CROT: variants seen among roughly 807,000 people sequenced by gnomAD.
CROT encodes carnitine O-octanoyltransferase.
A neutral mutation model predicts 89.2 loss-of-function variants in CROT; 84 were observed. The observed-to-expected ratio is 0.94, with a 90% CI of 0.79 to 1.13. The LOEUF is 1.13. CROT is among the 50% of genes most tolerant of loss of function. The pLI is 0.00. For missense variants in CROT, 711 were observed against 727.8 expected (o/e 0.98, Z 0.27); for synonymous variants, 212 against 239.5 (o/e 0.89, Z 1.06).
intron 10 of CROT, among the ~76,000 whole-genome samples, chr7:87,379,070 T>G (rs1360128507): frequency 6.6e-6 from 1 of 152,184 alleles, no homozygotes; most frequent in Admixed American, 6.5e-5. Context: ...TCCTTGACCT[T>G]CCTCAGTCTG....
chr7:87,372,007 C>CAAAAAAAAAAAAAAAAAAAA (rs61300907), intron 7 of CROT, among the ~76,000 whole-genome samples: 3 of 124,002 alleles, frequency 2.4e-5, no homozygotes, highest in Non-Finnish European at 3.3e-5. Context: ...AAAAAAAAAA[C>CAAAAAAAAAAAAAAAAAAAA]AAAAAAAAAA....
intron 10 of CROT, among the ~76,000 whole-genome samples, 166 bp downstream of exon 10, chr7:87,377,616 GT>G (rs1562935053): frequency 6.6e-6 from 1 of 152,134 alleles, no homozygotes; most frequent in Non-Finnish European, 1.5e-5. Context: ...TATAGGACAA[GT>G]TATTTTCTTC....
In CROT at chr7:87,351,327, A is replaced by G. The variant is rs1040919444; in HGVS notation, c.115+2144A>G. Among the ~76,000 whole-genome samples, 20 of 151,670 alleles carry G rather than the reference A, an allele frequency of 1.3e-4. No homozygotes were observed. In the East Asian group the frequency reaches 2.3e-3, roughly 18 times the overall value. On this transcript the variant is annotated intron_variant, in intron 3 of 17. Transcript: ENST00000331536. ...CCATCTCAAAAAAAAAAAAAAAAAAAAAAAAGAAAAGGAAAGGAAAGCATT... is the reference window on the plus strand; with the variant it reads ...CCATCTCAAAAAAAAAAAAAAAAAAGAAAAAGAAAAGGAAAGGAAAGCATT...
At position 87,350,636 on chromosome 7, in the gene CROT, A is replaced by G. The variant is rs980243044; in HGVS notation, c.115+1453A>G. Among the ~76,000 whole-genome samples, 6 of 152,312 alleles carry G rather than the reference A, an allele frequency of 3.9e-5. No homozygotes were observed. The East Asian group carries it at 7.7e-4, about 20-fold the overall frequency. Reference sequence around the variant, plus strand: ...TGTCCAGTCCAGTTGTAAGGTAGGTATAGCCAATTGTGAGACCCATGTGCC... The same window carrying G: ...TGTCCAGTCCAGTTGTAAGGTAGGTGTAGCCAATTGTGAGACCCATGTGCC... On this transcript the variant is annotated intron_variant, in intron 3 of 17. Coordinates refer to ENST00000331536, the MANE Select transcript of CROT (RefSeq NM_021151.4).
At chr7:87,366,520 G>A (rs967269997) in intron 6 of CROT, among the ~76,000 whole-genome samples, 8 of 152,030 alleles carry the variant, frequency 5.3e-5, no homozygotes, top group Admixed American at 3.9e-4. Context: ...AATTGTAGAC[G>A]ATCCATAGGC....
At chr7:87,382,923 T>C (rs564613511) in intron 13 of CROT, among the ~76,000 whole-genome samples, 56 of 152,364 alleles carry the variant, frequency 3.7e-4, no homozygotes, top group African/African-American at 1.3e-3. Flanking sequence ...ACATTAATTT[T>C]GTGACTTAAT....
At chr7:87,377,583 T>C in intron 10 of CROT, 133 bp downstream of exon 10, 1 of 582,610 alleles carries the variant, frequency 1.7e-6, no homozygotes. Context: ...GTGAAAAGTT[T>C]AGTTATGAAT....
At chr7:87,381,286 G>A (rs1806993410) in intron 10 of CROT, among the ~76,000 whole-genome samples, 2 of 152,148 alleles carry the variant, frequency 1.3e-5, no homozygotes, top group Admixed American at 1.3e-4. Context: ...CTTCAAAATA[G>A]ATGATGGGAA....
Position 87,392,830 on chromosome 7 carries a change from T to C in CROT, c.1598+7T>C, listed in dbSNP as rs1184579317. ...ACCCACTTTTTTCCAAAAGGTAATA[T>C]AGTGTAGTGTTTTACAGCTTCATCA... is the stretch of plus-strand genomic sequence containing the variant. On this transcript the variant is annotated splice_region_variant and intron_variant, in intron 16 of 17. Coordinates refer to ENST00000331536, the MANE Select transcript of CROT (RefSeq NM_021151.4). 1.9e-6 allele frequency: 3 copies of C among 1,611,196 alleles called. No homozygotes were observed. Among genetic ancestry groups the C allele is most frequent in the Non-Finnish European group, 2.5e-6 (3 of 1,178,386 alleles).
At chr7:87,367,632 TCTGACTC>T (rs746776369) in intron 6 of CROT, among the ~76,000 whole-genome samples, 1 of 152,238 alleles carries the variant, frequency 6.6e-6, no homozygotes, top group Non-Finnish European at 1.5e-5. Flanking sequence ...GATGAACTCC[TCTGACTC>T]CTAAGGACAA....
chr7:87,349,125 T>G lies in CROT; in HGVS notation c.57T>G (p.Ser19=). The G allele has an allele frequency of 6.2e-7, 1 of 1,608,826 alleles. No individual in the cohort carries two copies. The highest frequency in any genetic ancestry group is 8.5e-7 in the Non-Finnish European group (1 of 1,176,862). ...AACGAACATTTCAGTACCAGGATTC[T>G]CTTCCATCACTGCCTGTTCCTTCAC... ...TEERTFQYQD[S]LPSLPVPSLE... Residue 19 remains serine, a synonymous_variant, in exon 3 of 18, where the codon TCT becomes TCG. Transcript: ENST00000331536.
Position 87,377,374 on chromosome 7 carries a change from A to T in CROT, c.902A>T (p.Asp301Val). Residue 301 changes from aspartate to valine, a missense_variant, in exon 10 of 18, where the codon GAT (aspartate) becomes GTT (valine). By Grantham distance (152) the Asp-to-Val change is radical. Coordinates refer to ENST00000331536, the MANE Select transcript of CROT (RefSeq NM_021151.4). ...ATTATTGCAGCCATCCTTATTGGAGATCCAACAGTACGCTGGGGTGACAAA... is the reference window on the plus strand; with the variant it reads ...ATTATTGCAGCCATCCTTATTGGAGTTCCAACAGTACGCTGGGGTGACAAA... ...SEIIAAILIGDPTVRWGDKSY... is the reference protein window; with the variant it reads ...SEIIAAILIGVPTVRWGDKSY... 1 of 1,609,230 alleles carries T rather than the reference A, an allele frequency of 6.2e-7. No individual in the cohort carries two copies. The highest frequency in any genetic ancestry group is 8.5e-7 in the Non-Finnish European group (1 of 1,176,546).
intron 3 of CROT, among the ~76,000 whole-genome samples, chr7:87,354,823 A>G (rs1806007636): frequency 6.6e-6 from 1 of 152,222 alleles, no homozygotes. Flanking sequence ...TTGTTTTAAC[A>G]TCGGGGACCA....
At chr7:87,389,710 AT>A (rs1453447619) in intron 13 of CROT, among the ~76,000 whole-genome samples, 1 of 152,180 alleles carries the variant, frequency 6.6e-6, no homozygotes, top group African/African-American at 2.4e-5. Context: ...ATCATGGCAC[AT>A]GTATACCTAT....
At chr7:87,359,147 A>G in intron 3 of CROT, 59 bp from the exon 4 acceptor site, 1 of 1,116,188 alleles carries the variant, frequency 9.0e-7, no homozygotes, top group Non-Finnish European at 1.4e-6. Context: ...GTTAGTAATA[A>G]TAGAGGTGAG....
intron 13 of CROT, among the ~76,000 whole-genome samples, chr7:87,384,822 C>T (rs779065432): frequency 6.6e-6 from 1 of 152,116 alleles, no homozygotes; most frequent in African/African-American, 2.4e-5. Context: ...TCAATGTTTT[C>T]TTTTAGTAGT....
chr7:87,372,387 C>T (rs921803689), intron 7 of CROT, among the ~76,000 whole-genome samples: 1 of 151,880 alleles, frequency 6.6e-6, no homozygotes, highest in African/African-American at 2.4e-5. Flanking sequence ...GTGTGTCTTC[C>T]CATTACATGT....
chr7:87,384,126 T>G (rs1807116537), intron 13 of CROT, among the ~76,000 whole-genome samples: 1 of 152,140 alleles, frequency 6.6e-6, no homozygotes. Flanking sequence ...TTAACTAGGG[T>G]GAGGTGATGT....
At chr7:87,366,258 A>G (rs564298002) in intron 6 of CROT, among the ~76,000 whole-genome samples, 9 of 150,708 alleles carry the variant, frequency 6.0e-5, no homozygotes, top group African/African-American at 2.2e-4. Flanking sequence ...TTTTTCTTTT[A>G]TATAGCACTA....
Sources: gnomAD v4.1 joint callset for allele counts (sites outside exome capture counted in the v4.1 genomes callset) on GRCh38, gnomAD v4.1.1 for gene constraint, MANE v1.5 for transcripts, NCBI Gene and HGNC (gene_info 2026-07-23, HGNC 2026-07-21) for gene names.